CEACAM20: variants seen among roughly 807,000 people sequenced by gnomAD.
The protein encoded by CEACAM20 is cell adhesion molecule CEACAM20.
In CEACAM20, 50 loss-of-function variants were observed where a neutral mutation model predicts 61.2. The observed-to-expected ratio is 0.82, with a 90% CI of 0.65 to 1.03. The LOEUF (loss-of-function observed/expected upper bound fraction) is 1.03. CEACAM20 is among the 50% of genes least tolerant of loss of function. CEACAM20 has a pLI of 0.00. For missense variants in CEACAM20, 683 were observed against 736.4 expected (o/e 0.93, Z 0.84); for synonymous variants, 282 against 287.7 (o/e 0.98, Z 0.20).
intron 4 of CEACAM20, 102 bp from the exon 5 acceptor site, chr19:44,520,854 G>C: frequency 9.6e-7 from 1 of 1,041,642 alleles, no homozygotes; most frequent in Non-Finnish European, 1.4e-6. Context: ...GCGTGTGTGT[G>C]TGTGTGTGTG....
chr19:44,510,774 A>G (rs1970972522), intron 11 of CEACAM20, among the ~76,000 whole-genome samples: 1 of 152,170 alleles, frequency 6.6e-6, no homozygotes, highest in South Asian at 2.1e-4. Flanking sequence ...AATACAGAAA[A>G]TGAATAAAGC....
At chr19:44,516,593 G>A (rs886160224) in intron 6 of CEACAM20, among the ~76,000 whole-genome samples, 3 of 152,302 alleles carry the variant, frequency 2.0e-5, no homozygotes, top group South Asian at 2.1e-4. Flanking sequence ...CCCTGGCCAC[G>A]TGGAACTGTG....
At chr19:44,506,348 C>T (rs1461665937) in intron 11 of CEACAM20, 134 bp from the exon 12 acceptor site, 7 of 694,752 alleles carry the variant, frequency 1.0e-5, no homozygotes, top group South Asian at 9.1e-5. Context: ...CCATTCTCAT[C>T]ACACTTTAGT....
intron 5 of CEACAM20, 59 bp from the exon 6 acceptor site, chr19:44,517,283 GC>G: frequency 6.4e-7 from 1 of 1,570,838 alleles, no homozygotes; most frequent in Non-Finnish European, 8.6e-7. Flanking sequence ...ATCCCATTCT[GC>G]CCCATTCACT....
chr19:44,529,381 CACACA>C, intron 1 of CEACAM20, 72 bp downstream of exon 1: 1 of 1,302,184 alleles, frequency 7.7e-7, no homozygotes, highest in Non-Finnish European at 1.1e-6. Context: ...CACACACACA[CACACA>C]CACACACACC....
At chr19:44,528,773 GTC>G (rs1409305348) in intron 1 of CEACAM20, among the ~76,000 whole-genome samples, 1 of 149,110 alleles carries the variant, frequency 6.7e-6, no homozygotes, top group Non-Finnish European at 1.5e-5. Flanking sequence ...ATTTTTTTCT[GTC>G]TCTGTCTCTC....
chr19:44,516,993 G>A lies in CEACAM20; in HGVS notation c.1262C>T (p.Ser421Phe). ...AGTGGAGCGGGCCAGGCCAGTGAGA[G>A]AGTTGGAGGCTGTGCAGTTGTAGAT... ...DGIYNCTASN[S>F]LTGLARSTSV... is the part of the protein sequence containing the mutation. The change falls in exon 6 of 12, where the codon TCT (serine) becomes TTT (phenylalanine). Residue 421 changes from serine (S) to phenylalanine (F), a missense_variant. Coordinates refer to ENST00000614924, the MANE Select transcript of CEACAM20 (RefSeq NM_001102597.3). 1 of 1,598,834 alleles carries A rather than the reference G, an allele frequency of 6.3e-7. No individual in the cohort carries two copies. The highest frequency in any genetic ancestry group is 2.3e-5 in the East Asian group (1 of 44,370).
rs71171251 is a variant in CEACAM20, at chr19:44,510,611, A to AGAAAGAAAGAAAGG, written c.1737+418_1737+419insCCTTTCTTTCTTTC. Among the ~76,000 whole-genome samples the AGAAAGAAAGAAAGG allele has an allele frequency of 3.0e-4, 22 of 72,406 alleles. 1 individual carries two copies. The highest frequency in any genetic ancestry group is 8.3e-4 in the African/African-American group (13 of 15,658). 47.5% of individuals were successfully genotyped at this position (72,406 alleles called of 152,430 possible). A position where few individuals can be genotyped will look rare whatever the true frequency, so the allele number is the denominator to read the frequency against. The stretch of plus-strand genomic sequence containing the variant: ...AAGAAAGAAAGAAAGAAAGAAAGAA[A>AGAAAGAAAGAAAGG]AAGGAAGGAAGGAAGAAAGAAAGAG... On this transcript the variant is annotated intron_variant, in intron 11 of 11. Transcript: ENST00000614924.
intron 11 of CEACAM20, among the ~76,000 whole-genome samples, chr19:44,510,810 G>T (rs1970973231): frequency 6.6e-6 from 1 of 152,134 alleles, no homozygotes; most frequent in African/African-American, 2.4e-5. Context: ...GAATTGGGTG[G>T]AGTGAAACAT....
intron 8 of CEACAM20, 133 bp from the exon 9 acceptor site, chr19:44,512,211 T>C: frequency 1.4e-6 from 1 of 712,930 alleles, no homozygotes; most frequent in Non-Finnish European, 2.5e-6. Context: ...ATATTTCCAG[T>C]GAGCTTGACC....
intron 5 of CEACAM20, among the ~76,000 whole-genome samples, chr19:44,518,805 A>G (rs1434954843): frequency 6.6e-6 from 1 of 151,658 alleles, no homozygotes; most frequent in Non-Finnish European, 1.5e-5. Flanking sequence ...TCCCCATCCC[A>G]GTCTCATCCT....
chr19:44,526,946 G>A (rs181831512), intron 1 of CEACAM20, among the ~76,000 whole-genome samples: 11 of 150,832 alleles, frequency 7.3e-5, no homozygotes, highest in South Asian at 2.1e-4. Context: ...GTGCTCACAC[G>A]CAACTGATCT....
rs377383877 is a variant in CEACAM20 at position 44,520,688 on chromosome 19, C to T, written c.816G>A (p.Val272=). Residue 272 remains valine, a synonymous_variant, in exon 5 of 12, where the codon GTG becomes GTA. Coordinates refer to ENST00000614924, the MANE Select transcript of CEACAM20 (RefSeq NM_001102597.3). ...SLNLVENARS[V]DLTCQTVNQS... is the part of the protein sequence containing the mutation. Reference sequence around the variant, plus strand: ...GATTGACGGTTTGGCAGGTCAGGTCCACAGACCTAGCATTCTCCACAAGGT... The same window carrying T: ...GATTGACGGTTTGGCAGGTCAGGTCTACAGACCTAGCATTCTCCACAAGGT... 37 of 1,613,854 alleles carry T rather than the reference C, an allele frequency of 2.3e-5. No homozygotes were observed. The highest frequency in any genetic ancestry group is 2.8e-5 in the Non-Finnish European group (33 of 1,179,880).
chr19:44,518,004 A>G (rs1971221107), intron 5 of CEACAM20, among the ~76,000 whole-genome samples: 1 of 151,126 alleles, frequency 6.6e-6, no homozygotes, highest in South Asian at 2.1e-4. Context: ...TGAACCTGGG[A>G]GGCCGAAGTT....
In CEACAM20 at chr19:44,525,235, C is replaced by T; in HGVS notation, c.62G>A (p.Cys21Tyr). ...TGCAGCTGGAGGACTCCATACGGTACAAAGCGAGGCTACAAGGGGAGAGAG... is the reference window on the plus strand; with the variant it reads ...TGCAGCTGGAGGACTCCATACGGTATAAAGCGAGGCTACAAGGGGAGAGAG... The part of the protein sequence containing the change: ...WMGILLSASL[C>Y]TVWSPPAAAQ... The change falls in exon 2 of 12, where the codon TGT becomes TAT. Residue 21 changes from cysteine to tyrosine, a missense_variant. Physicochemically the swap from Cys to Tyr is radical, Grantham distance 194 (BLOSUM62 -2). Transcript: ENST00000614924. The T allele has an allele frequency of 6.3e-7, 1 of 1,585,430 alleles. No homozygotes were observed. The highest frequency in any genetic ancestry group is 8.6e-7 in the Non-Finnish European group (1 of 1,168,132).
intron 3 of CEACAM20, among the ~76,000 whole-genome samples, 181 bp downstream of exon 3, chr19:44,523,805 T>G (rs77615597): frequency 0.05 from 7,566 of 152,200 alleles, 281 homozygotes; most frequent in East Asian, 0.081. Flanking sequence ...TGTACCTCGT[T>G]TGCTTCACAT....
intron 9 of CEACAM20, 86 bp from the exon 10 acceptor site, chr19:44,511,758 GA>G: frequency 7.2e-7 from 1 of 1,381,186 alleles, no homozygotes; most frequent in Non-Finnish European, 1.0e-6. Context: ...TTTGGCCTCA[GA>G]GGCAATTATA....
At chr19:44,521,474 C>T (rs1971363192) in intron 4 of CEACAM20, among the ~76,000 whole-genome samples, 2 of 150,348 alleles carry the variant, frequency 1.3e-5, no homozygotes, top group African/African-American at 4.9e-5. Flanking sequence ...ATATGTATGT[C>T]TGCGTTTTGT....
chr19:44,529,395 CCGCTG>C, intron 1 of CEACAM20, 58 bp downstream of exon 1: 8 of 1,222,790 alleles, frequency 6.5e-6, no homozygotes, highest in African/African-American at 5.0e-5. Flanking sequence ...CACACACACA[CCGCTG>C]ACAAATAGAT....
Sources: gnomAD v4.1 joint callset for allele counts (sites outside exome capture counted in the v4.1 genomes callset) on GRCh38, gnomAD v4.1.1 for gene constraint, MANE v1.5 for transcripts, NCBI Gene and HGNC (gene_info 2026-07-23, HGNC 2026-07-21) for gene names.